Variants in CALN1 observed in about 807,000 individuals in gnomAD.
The protein encoded by CALN1 is calneuron 1.
Under a neutral mutation model 30.6 loss-of-function variants are expected in CALN1, and 17 were observed. The observed-to-expected ratio is 0.56, with a 90% confidence interval of 0.38 to 0.83. The LOEUF (loss-of-function observed/expected upper bound fraction) is 0.83, where lower values mean the gene tolerates loss of function less well. Among genes scored for constraint, CALN1 ranks in the 40% least tolerant of loss-of-function variants. The pLI, the probability that CALN1 is intolerant of heterozygous loss-of-function variation, is 0.00. For missense variants in CALN1, 291 were observed against 354.9 expected, an observed-to-expected ratio of 0.82 and a Z score of 1.45; for synonymous variants, 156 against 131.4, an observed-to-expected ratio of 1.19 and a Z score of -1.28.
In CALN1 at chr7:71,978,496, G is replaced by C. The variant is rs1798222699; in HGVS notation, c.501+45161C>G. ...TCACCGTGTTAGCCAGGATGGTCTT[G>C]ATCTCCTGACCTCGTGATCCGCCCA... On this transcript the variant is annotated intron_variant, in intron 5 of 6. Transcript: ENST00000395275. 2.0e-5 allele frequency among the ~76,000 whole-genome samples: 3 copies of C among 151,850 alleles called. No homozygotes were observed. The South Asian group carries it at 6.2e-4, about 32-fold the overall frequency.
intron 3 of CALN1, among the ~76,000 whole-genome samples, chr7:72,181,111 A>C (rs1259133158): frequency 1.6e-3 from 57 of 35,962 alleles, no homozygotes; most frequent in African/African-American, 3.3e-3. Flanking sequence ...CCCCCCCCCC[A>C]AAAAAAAAAA....
At chr7:72,042,750 A>G (rs1205661757) in intron 4 of CALN1, among the ~76,000 whole-genome samples, 1 of 152,106 alleles carries the variant, frequency 6.6e-6, no homozygotes. Context: ...AAATAAATAA[A>G]TAAGACTCCC....
chr7:72,041,293 T>C (rs769336996), intron 4 of CALN1, among the ~76,000 whole-genome samples: 1 of 152,082 alleles, frequency 6.6e-6, no homozygotes, highest in Non-Finnish European at 1.5e-5. Context: ...GGATGAAGAC[T>C]GAGAAAGGGA....
intron 3 of CALN1, among the ~76,000 whole-genome samples, chr7:72,202,594 G>A (rs1791522946): frequency 6.6e-6 from 1 of 152,024 alleles, no homozygotes; most frequent in Admixed American, 6.6e-5. Flanking sequence ...GAAAGTTCAG[G>A]AAAACACCAG....
chr7:71,782,862 C>A lies in CALN1; in HGVS notation c.*4913G>T, dbSNP rs992779015. ...GGTTCAAGTGATTCTCCCTCCTCAG[C>A]CTCCAGAGTAGCTAGGATTACAGGT... On this transcript the variant is annotated 3_prime_UTR_variant, in exon 7 of 7. Transcript: ENST00000395275. The A allele has an allele frequency of 1.3e-5, 2 of 152,182 alleles. No homozygotes were observed. The highest frequency in any genetic ancestry group is 2.9e-5 in the Non-Finnish European group (2 of 68,062). The allele number at this position is 152,182 out of a possible 1,614,324, so 9.4% of individuals were successfully genotyped here. A position where few individuals can be genotyped will look rare whatever the true frequency, so the allele number is the denominator to read the frequency against.
chr7:71,904,370 A>G (rs1159280230), intron 5 of CALN1, among the ~76,000 whole-genome samples: 1 of 152,252 alleles, frequency 6.6e-6, no homozygotes, highest in Non-Finnish European at 1.5e-5. Context: ...AGCCATGAAA[A>G]AGAATAAAAT....
At chr7:71,979,499 G>GACTT (rs1185433439) in intron 5 of CALN1, among the ~76,000 whole-genome samples, 14 of 152,066 alleles carry the variant, frequency 9.2e-5, no homozygotes, top group Non-Finnish European at 1.8e-4. Context: ...GCTTCTATGA[G>GACTT]ACTCTAACGC....
upstream of CALN1, among the ~76,000 whole-genome samples, chr7:72,416,212 A>C (rs1807414077): frequency 6.6e-6 from 1 of 152,304 alleles, no homozygotes; most frequent in South Asian, 2.1e-4. Flanking sequence ...AACACCCAGA[A>C]GTTACCACCC....
At chr7:72,242,667 C>G (rs1443830629) in intron 3 of CALN1, among the ~76,000 whole-genome samples, 1 of 152,080 alleles carries the variant, frequency 6.6e-6, no homozygotes, top group African/African-American at 2.4e-5. Context: ...GTGGGCAGAT[C>G]ACTTGAGGTC....
intron 2 of CALN1, among the ~76,000 whole-genome samples, chr7:72,299,065 G>T (rs1313791219): frequency 1.3e-5 from 2 of 152,090 alleles, no homozygotes; most frequent in Non-Finnish European, 2.9e-5. Context: ...CAAGTCACTG[G>T]AAGGTACCAC....
At chr7:71,801,073 C>T (rs1323273762) in intron 6 of CALN1, among the ~76,000 whole-genome samples, 1 of 152,138 alleles carries the variant, frequency 6.6e-6, no homozygotes, top group Non-Finnish European at 1.5e-5. Flanking sequence ...GTTTGGTTTC[C>T]TGTTCCTGTG....
chr7:71,912,716 T>C (rs1794487919), intron 5 of CALN1, among the ~76,000 whole-genome samples: 1 of 152,146 alleles, frequency 6.6e-6, no homozygotes, highest in African/African-American at 2.4e-5. Context: ...AAGCTACACG[T>C]CTGACTCAGG....
At chr7:72,063,198 TA>T (rs1803784073) in intron 4 of CALN1, among the ~76,000 whole-genome samples, 1 of 152,310 alleles carries the variant, frequency 6.6e-6, no homozygotes, top group Admixed American at 6.5e-5. Flanking sequence ...TTACACGTGT[TA>T]AAATTCACAG....
chr7:72,392,826 C>A (rs1805664022), intron 2 of CALN1, among the ~76,000 whole-genome samples: 2 of 121,832 alleles, frequency 1.6e-5, no homozygotes, highest in Non-Finnish European at 3.4e-5. Context: ...AAAAAAGACC[C>A]TGTTTCATTA....
At chr7:72,141,919 T>A (rs1809971067) in intron 3 of CALN1, among the ~76,000 whole-genome samples, 1 of 152,104 alleles carries the variant, frequency 6.6e-6, no homozygotes. Context: ...TGAGGCTTGA[T>A]TACACCTGCA....
rs3973907 is a variant in CALN1, at chr7:71,798,123, CAGAGAGAGAGAGAGAGAGAG to C, written c.659-10241_659-10222del. 5.9e-3 allele frequency among the ~76,000 whole-genome samples: 421 copies of C among 71,056 alleles called. 5 individuals are homozygous for C. Among genetic ancestry groups the C allele is most frequent in the African/African-American group, 0.023 (356 of 15,364 alleles). 46.6% of individuals were successfully genotyped at this position (71,056 alleles called of 152,430 possible). A position where few individuals can be genotyped will look rare whatever the true frequency, so the allele number is the denominator to read the frequency against. On this transcript the variant is annotated intron_variant, in intron 6 of 6. Transcript: ENST00000395275. ...AGACAGAGAGAGACAGAGACAGAGA[CAGAGAGAGAGAGAGAGAGAG>C]AGAGAGAGAGAGAGAGAGAGAGAGA...
At chr7:72,096,955 T>C (rs2129540323) in intron 4 of CALN1, among the ~76,000 whole-genome samples, 1 of 152,284 alleles carries the variant, frequency 6.6e-6, no homozygotes, top group East Asian at 1.9e-4. Flanking sequence ...GTGGCACACA[T>C]ACACCACGGA....
rs775084758 is a variant in CALN1 at position 71,937,185 on chromosome 7, T to TA, written c.501+86471dup. On this transcript the variant is annotated intron_variant, in intron 5 of 6. Transcript: ENST00000395275. ...AGCTGGGCATGGTGGTGCATGCCTG[T>TA]AAACCCAGCTCCTTGGGAGGCTGCT... Among the ~76,000 whole-genome samples, 22 of 151,216 alleles carry TA rather than the reference T, an allele frequency of 1.5e-4. 1 individual carries two copies. The highest frequency in any genetic ancestry group is 2.2e-4 in the Non-Finnish European group (15 of 67,978).
At chr7:71,946,007 G>A (rs1012536871) in intron 5 of CALN1, among the ~76,000 whole-genome samples, 2 of 152,130 alleles carry the variant, frequency 1.3e-5, no homozygotes, top group African/African-American at 2.4e-5. Flanking sequence ...CCCCATGAAC[G>A]GAATTCTGCT....
Sources: allele counts gnomAD v4.1 joint callset (sites outside exome capture counted in the v4.1 genomes callset), GRCh38; gene constraint gnomAD v4.1.1; transcripts MANE v1.5; gene names NCBI Gene and HGNC (gene_info 2026-07-23, HGNC 2026-07-21).